ZNF431: variants seen among roughly 807,000 people sequenced by gnomAD.
The protein encoded by ZNF431 is zinc finger protein 431.
ZNF431 carries 34 observed loss-of-function variants against 57.0 expected under a neutral mutation model. That is an observed-to-expected ratio of 0.60 (90% CI 0.45 to 0.79). The LOEUF (loss-of-function observed/expected upper bound fraction) is 0.79. Ranked by LOEUF, ZNF431 falls within the 30% of genes least tolerant of loss-of-function variation. The pLI is 0.00. For synonymous variants in ZNF431, 207 were observed against 220.3 expected (o/e 0.94, Z 0.54); for missense variants, 607 against 667.1 (o/e 0.91, Z 0.99).
At chr19:21,143,761 T>A in intron 2 of ZNF431, 118 bp downstream of exon 2, 3 of 689,302 alleles carry the variant, frequency 4.4e-6, no homozygotes, top group Non-Finnish European at 7.6e-6. Context: ...AAATAATGTA[T>A]GCCCCCTGGA....
intron 4 of ZNF431, among the ~76,000 whole-genome samples, chr19:21,169,009 T>A (rs1164097324): frequency 1.3e-5 from 2 of 152,148 alleles, no homozygotes; most frequent in African/African-American, 2.4e-5. Flanking sequence ...CATCCTAGGT[T>A]CAAGCGATTC....
Position 21,147,095 on chromosome 19 carries a change from T to G in ZNF431, c.96+3452T>G, listed in dbSNP as rs79406401. Among the ~76,000 whole-genome samples, 718 of 152,370 alleles carry G rather than the reference T, an allele frequency of 4.7e-3. 6 individuals are homozygous for G. Among genetic ancestry groups the G allele is most frequent in the African/African-American group, 0.016 (668 of 41,584 alleles). On this transcript the variant is annotated intron_variant, in intron 2 of 4. Coordinates refer to ENST00000311048, the MANE Select transcript of ZNF431 (RefSeq NM_133473.4). Reference sequence around the variant, plus strand: ...CAGTCCCTTCAGTTAATTCCTGTTCTGTTTGATTGTCATGAACATTCCAGT... The same window carrying G: ...CAGTCCCTTCAGTTAATTCCTGTTCGGTTTGATTGTCATGAACATTCCAGT...
At position 21,188,798 on chromosome 19, in the gene ZNF431, A is replaced by T. The variant is rs1316159567; in HGVS notation, c.*4764A>T. ...AGTTTACTGTGTTCACAGAGTGGCC[A>T]GTCATGGGACCATAAGCAACACCTG... is the stretch of plus-strand genomic sequence containing the variant. On this transcript the variant is annotated 3_prime_UTR_variant, in exon 5 of 5. Transcript: ENST00000311048. 2 of 152,184 alleles carry T rather than the reference A, an allele frequency of 1.3e-5. No individual in the cohort carries two copies. The highest frequency in any genetic ancestry group is 2.9e-5 in the Non-Finnish European group (2 of 68,038). The allele number at this position is 152,184 out of a possible 1,614,324, so 9.4% of individuals were successfully genotyped here. A position where few individuals can be genotyped will look rare whatever the true frequency, so the allele number is the denominator to read the frequency against.
chr19:21,174,582 C>T (rs1035204934), intron 4 of ZNF431, among the ~76,000 whole-genome samples: 1 of 152,118 alleles, frequency 6.6e-6, no homozygotes, highest in African/African-American at 2.4e-5. Flanking sequence ...ATTACCACCT[C>T]ACCCAATTGT....
At chr19:21,163,424 A>G (rs537092732) in intron 2 of ZNF431, among the ~76,000 whole-genome samples, 2 of 152,218 alleles carry the variant, frequency 1.3e-5, no homozygotes, top group Non-Finnish European at 2.9e-5. Flanking sequence ...AGGGGTAGCA[A>G]CATCAGCATT....
intron 2 of ZNF431, among the ~76,000 whole-genome samples, chr19:21,161,646 T>G (rs1358583844): frequency 6.6e-6 from 1 of 151,742 alleles, no homozygotes; most frequent in Non-Finnish European, 1.5e-5. Flanking sequence ...AGGTCTGTTT[T>G]GTTTGTTTGT....
chr19:21,180,869 C>T (rs966552805), intron 4 of ZNF431, among the ~76,000 whole-genome samples: 1 of 151,748 alleles, frequency 6.6e-6, no homozygotes, highest in African/African-American at 2.4e-5. Context: ...ATCACTTGAA[C>T]CCAGGAGGCG....
At chr19:21,169,833 A>T (rs1970830871) in intron 4 of ZNF431, 1 of 398,394 alleles carries the variant, frequency 2.5e-6, no homozygotes, top group Non-Finnish European at 4.4e-6. Context: ...CGGCTCAGAG[A>T]GCTGGAACTG....
chr19:21,152,607 C>T (rs1404595883), intron 2 of ZNF431, among the ~76,000 whole-genome samples: 1 of 152,280 alleles, frequency 6.6e-6, no homozygotes, highest in South Asian at 2.1e-4. Flanking sequence ...AGGAATATAA[C>T]CTTTCTAAGC....
chr19:21,176,037 C>T (rs540178698), intron 4 of ZNF431, among the ~76,000 whole-genome samples: 1 of 152,330 alleles, frequency 6.6e-6, no homozygotes, highest in African/African-American at 2.4e-5. Flanking sequence ...TTTACATTCC[C>T]ACCAAAAGCG....
intron 2 of ZNF431, among the ~76,000 whole-genome samples, chr19:21,144,995 T>G (rs1489023603): frequency 6.6e-6 from 1 of 152,170 alleles, no homozygotes; most frequent in Non-Finnish European, 1.5e-5. Context: ...ATAATAGATA[T>G]GTTGTCTGAA....
chr19:21,160,002 G>C (rs1162333330), intron 2 of ZNF431, among the ~76,000 whole-genome samples: 1 of 131,734 alleles, frequency 7.6e-6, no homozygotes, highest in Non-Finnish European at 1.6e-5. Flanking sequence ...TTTTTTTTAG[G>C]TAGACATATT....
At chr19:21,182,417 C>A (rs1220444699) in intron 4 of ZNF431, among the ~76,000 whole-genome samples, 3 of 152,140 alleles carry the variant, frequency 2.0e-5, no homozygotes, top group African/African-American at 7.2e-5. Context: ...ACCTGGGGAA[C>A]TTTACACACT....
intron 1 of ZNF431, 35 bp downstream of exon 1, chr19:21,142,221 G>C: frequency 6.2e-7 from 1 of 1,613,032 alleles, no homozygotes; most frequent in South Asian, 1.1e-5. Context: ...CGAGAGAGGG[G>C]AAGGGCTGGT....
intron 2 of ZNF431, among the ~76,000 whole-genome samples, chr19:21,164,450 T>C (rs1970662402): frequency 6.6e-6 from 1 of 152,170 alleles, no homozygotes; most frequent in Admixed American, 6.5e-5. Flanking sequence ...GCTCATTTTT[T>C]CCTGAATCTC....
rs139150232 is a variant in ZNF431, at chr19:21,176,055, A to G, written c.320-6568A>G. 4.1e-3 allele frequency among the ~76,000 whole-genome samples: 619 copies of G among 152,284 alleles called. 6 individuals are homozygous for G. Among genetic ancestry groups the G allele is most frequent in the African/African-American group, 0.015 (604 of 41,564 alleles). On this transcript the variant is annotated intron_variant, in intron 4 of 4. Coordinates refer to ENST00000311048, the MANE Select transcript of ZNF431 (RefSeq NM_133473.4). ...ACATTCCCACCAAAAGCGTAACAGT[A>G]TTTCTATTTCTCCATAGCCTCCCCA... is the stretch of plus-strand genomic sequence containing the variant.
At chr19:21,175,419 T>C in intron 4 of ZNF431, 4 of 696,980 alleles carry the variant, frequency 5.7e-6, no homozygotes, top group Non-Finnish European at 1.0e-5. Flanking sequence ...TTGTTCTTTT[T>C]TTAAGTTTAA....
chr19:21,155,557 G>T (rs1448096076), intron 2 of ZNF431, among the ~76,000 whole-genome samples: 2 of 152,160 alleles, frequency 1.3e-5, no homozygotes, highest in African/African-American at 4.8e-5. Context: ...ATTCTGTGAA[G>T]AAAGTCATTG....
At chr19:21,144,258 G>C (rs1396028596) in intron 2 of ZNF431, among the ~76,000 whole-genome samples, 2 of 151,828 alleles carry the variant, frequency 1.3e-5, no homozygotes, top group Admixed American at 6.6e-5. Flanking sequence ...GCTGCAGAAG[G>C]ATTGATCTTG....
Sources: gnomAD v4.1 joint callset for allele counts (sites outside exome capture counted in the v4.1 genomes callset) on GRCh38, gnomAD v4.1.1 for gene constraint, MANE v1.5 for transcripts, NCBI Gene and HGNC (gene_info 2026-07-23, HGNC 2026-07-21) for gene names.